Variants in NSA2 observed in about 807,000 individuals in gnomAD.
NSA2 encodes ribosome biogenesis protein NSA2 homolog.
In NSA2, 18 loss-of-function variants were observed where a neutral mutation model predicts 34.8. The ratio of observed to expected loss-of-function variants is 0.52; its 90% CI spans 0.36 to 0.77. The LOEUF (loss-of-function observed/expected upper bound fraction) is 0.77, where lower values mean the gene tolerates loss of function less well. NSA2 is among the 30% of genes least tolerant of loss of function. The pLI is 0.00. For synonymous variants in NSA2, 79 were observed against 100.2 expected (o/e 0.79, Z 1.26); for missense variants, 188 against 314.7 (o/e 0.60, Z 3.05).
rs371638539 is a variant in NSA2, at chr5:74,772,057, C to CA, written c.522+1254dup. ...ATTCTCCCAGTTAGATACACAGCCT[C>CA]AAAAAAACAAAGTATCAGAGAGAGG... On this transcript the variant is annotated intron_variant, in intron 4 of 5. Transcript: ENST00000610426. Among the ~76,000 whole-genome samples the CA allele has an allele frequency of 5.0e-3, 750 of 150,614 alleles. 9 individuals carry two copies. The highest frequency in any genetic ancestry group is 0.018 in the African/African-American group (718 of 40,970).
At position 74,779,654 on chromosome 5, in the gene NSA2, G is replaced by GA. The variant is rs2112441665; in HGVS notation, c.*2989dup. On this transcript the variant is annotated 3_prime_UTR_variant, in exon 6 of 6. Transcript: ENST00000610426. ...TTTTTACTTAGTATTAGCATTTGTT[G>GA]AAAAAATAAATGGCCAAAGTGCTTT... The GA allele has an allele frequency of 6.6e-6, 1 of 150,826 alleles. No homozygotes were observed. The highest frequency in any genetic ancestry group is 2.4e-5 in the African/African-American group (1 of 41,132). The allele number at this position is 150,826 out of a possible 1,614,324, so 9.3% of individuals were successfully genotyped here.
At chr5:74,774,679 T>C (rs992223230) in intron 5 of NSA2, among the ~76,000 whole-genome samples, 1 of 152,138 alleles carries the variant, frequency 6.6e-6, no homozygotes, top group Admixed American at 6.5e-5. Context: ...TAAGAAATAT[T>C]ATAAGAAAAT....
intron 5 of NSA2, among the ~76,000 whole-genome samples, chr5:74,775,221 G>GTAA (rs1489400938): frequency 6.6e-6 from 1 of 151,590 alleles, no homozygotes; most frequent in South Asian, 2.1e-4. Context: ...GTCTCAAAAA[G>GTAA]TAATAATAAT....
chr5:74,773,966 G>T lies in NSA2; in HGVS notation c.621G>T (p.Leu207=). 1 of 1,614,010 alleles carries T rather than the reference G, an allele frequency of 6.2e-7. No individual in the cohort carries two copies. Among genetic ancestry groups the T allele is most frequent in the Non-Finnish European group, 8.5e-7 (1 of 1,179,918 alleles). The change falls in exon 5 of 6, where the codon CTG becomes CTT. Residue 207 remains leucine (L), a synonymous_variant. Transcript: ENST00000610426. ...LGVKKNPSSP[L]YTTLGVITKG... ...TAAAGAAGAATCCCTCATCCCCACT[G>T]TATACAACTTTGGGTGTTATTACCA...
At chr5:74,774,133 T>A in intron 5 of NSA2, 73 bp downstream of exon 5, 1 of 1,020,058 alleles carries the variant, frequency 9.8e-7, no homozygotes, top group Non-Finnish European at 1.4e-6. Flanking sequence ...GTTGATGTAT[T>A]AATAAAATAT....
Position 74,776,985 on chromosome 5 carries a change from A to G in NSA2, c.*314A>G, listed in dbSNP as rs1412041127. 1 of 205,608 alleles carries G rather than the reference A, an allele frequency of 4.9e-6. No individual in the cohort carries two copies. The allele number at this position is 205,608 out of a possible 1,614,324, so 12.7% of individuals were successfully genotyped here. On this transcript the variant is annotated 3_prime_UTR_variant, in exon 6 of 6. Transcript: ENST00000610426. ...CAGTGTTCATTGAAAATGCCTTTCA[A>G]AAAGGTTAATACACAATTATGTGTC...
At chr5:74,776,538 C>G (rs1745131136) in intron 5 of NSA2, 66 bp from the exon 6 acceptor site, 2 of 845,762 alleles carry the variant, frequency 2.4e-6, no homozygotes, top group East Asian at 2.4e-5. Context: ...AAGTTATATT[C>G]TTTAAAATTA....
intron 5 of NSA2, 90 bp from the exon 6 acceptor site, chr5:74,776,514 G>GA (rs58655773): frequency 0.25 from 179,729 of 729,844 alleles, 25,272 homozygotes; most frequent in African/African-American, 0.56. Flanking sequence ...AAGACAAAAA[G>GA]AAAAAAAAGG....
chr5:74,769,489 T>G (rs529758420), intron 3 of NSA2, 125 bp downstream of exon 3: 1 of 698,382 alleles, frequency 1.4e-6, no homozygotes, highest in Non-Finnish European at 2.1e-6. Flanking sequence ...TATTTAGATG[T>G]TGAAGTCTTT....
In NSA2 at chr5:74,779,940, T is replaced by G. The variant is rs962979236; in HGVS notation, c.*3269T>G. 6.6e-6 allele frequency: 1 copy of G among 152,226 alleles called. No homozygotes were observed. Among genetic ancestry groups the G allele is most frequent in the Non-Finnish European group, 1.5e-5 (1 of 68,024 alleles). The allele number at this position is 152,226 out of a possible 1,614,324, so 9.4% of individuals were successfully genotyped here. On this transcript the variant is annotated 3_prime_UTR_variant, in exon 6 of 6. Coordinates refer to ENST00000610426, the MANE Select transcript of NSA2 (RefSeq NM_014886.6). ...ACACAAAGTCTTAGTTTCTTTTGCA[T>G]AAGGATCAAGATCAAGCTATTTTTA...
At chr5:74,770,847 G>GT (rs1332849835) in intron 4 of NSA2, 37 bp downstream of exon 4, 2 of 1,393,824 alleles carry the variant, frequency 1.4e-6, no homozygotes, top group African/African-American at 2.9e-5. Context: ...CGAAATGTTA[G>GT]TTGACTTTAT....
In NSA2 at chr5:74,774,077, A is replaced by T. The variant is rs577031670; in HGVS notation, c.715+17A>T. ...TTATTTGGGGTAAGTGAATTTTTGA[A>T]TACAGGGCTGCTGTGTTCTGCAGTA... On this transcript the variant is annotated intron_variant, in intron 5 of 5. Transcript: ENST00000610426. 6.3e-7 allele frequency: 1 copy of T among 1,580,504 alleles called. No homozygotes were observed. The highest frequency in any genetic ancestry group is 2.2e-5 in the East Asian group (1 of 44,698).
intron 1 of NSA2, among the ~76,000 whole-genome samples, chr5:74,768,498 G>T (rs909210576): frequency 1.3e-5 from 2 of 152,332 alleles, no homozygotes; most frequent in South Asian, 4.1e-4. Context: ...TTTGTATTTT[G>T]ATTGTGGTGG....
rs773310266 is a variant in NSA2, at chr5:74,768,911, T to C, written c.4-20T>C. On this transcript the variant is annotated intron_variant, in intron 1 of 5. Transcript: ENST00000610426. ...TCAGTACTTTAAAAAATTAAAATAA[T>C]ATTTCTTCCATCATTATAGCCACAG... 9.3e-6 allele frequency: 14 copies of C among 1,509,766 alleles called. No individual in the cohort carries two copies. Among genetic ancestry groups the C allele is most frequent in the Middle Eastern group, 1.8e-4 (1 of 5,698 alleles). 93.5% of individuals were successfully genotyped at this position (1,509,766 alleles called of 1,614,324 possible).
chr5:74,767,461 C>A, intron 1 of NSA2, 98 bp downstream of exon 1: 3 of 1,450,834 alleles, frequency 2.1e-6, no homozygotes, highest in South Asian at 2.3e-5. Flanking sequence ...CGGTGGTAGG[C>A]GGAAATGAGA....
In NSA2 at chr5:74,779,087, G is replaced by A. The variant is rs561136634; in HGVS notation, c.*2416G>A. On this transcript the variant is annotated 3_prime_UTR_variant, in exon 6 of 6. Transcript: ENST00000610426. ...TTTCTGTCAGAGAGAATCTGTAACAGAAGTGTTCTTGTGTGCTGAACAAAA... is the reference window on the plus strand; with the variant it reads ...TTTCTGTCAGAGAGAATCTGTAACAAAAGTGTTCTTGTGTGCTGAACAAAA... The A allele has an allele frequency of 8.7e-4, 133 of 152,206 alleles. No homozygotes were observed. Among genetic ancestry groups the A allele is most frequent in the African/African-American group, 2.7e-3 (113 of 41,570 alleles). 9.4% of individuals were successfully genotyped at this position (152,206 alleles called of 1,614,324 possible).
chr5:74,772,185 C>T (rs1039758999), intron 4 of NSA2, among the ~76,000 whole-genome samples: 1 of 148,312 alleles, frequency 6.7e-6, no homozygotes, highest in Non-Finnish European at 1.5e-5. Flanking sequence ...AGTGCAGTGG[C>T]ACGATCTCGG....
In NSA2 at chr5:74,778,082, G is replaced by T. The variant is rs901979861; in HGVS notation, c.*1411G>T. Reference sequence around the variant, plus strand: ...AGGCGAATAAAAATACTGACTCCAGGTAATTTCTGGATACTACAAAAATGA... The same window carrying T: ...AGGCGAATAAAAATACTGACTCCAGTTAATTTCTGGATACTACAAAAATGA... On this transcript the variant is annotated 3_prime_UTR_variant, in exon 6 of 6. Coordinates refer to ENST00000610426, the MANE Select transcript of NSA2 (RefSeq NM_014886.6). The T allele has an allele frequency of 1.3e-4, 19 of 151,954 alleles. No homozygotes were observed. The highest frequency in any genetic ancestry group is 1.3e-4 in the Non-Finnish European group (9 of 67,890). 9.4% of individuals were successfully genotyped at this position (151,954 alleles called of 1,614,324 possible).
intron 5 of NSA2, 105 bp from the exon 6 acceptor site, chr5:74,776,497 CTG>C (rs1160494083): frequency 1.2e-5 from 8 of 660,644 alleles, no homozygotes; most frequent in Non-Finnish European, 2.2e-5. Context: ...GAGTGAAACC[CTG>C]TATTAAGACA....
Sources: allele counts gnomAD v4.1 joint callset (sites outside exome capture counted in the v4.1 genomes callset), GRCh38; gene constraint gnomAD v4.1.1; transcripts MANE v1.5; gene names NCBI Gene and HGNC (gene_info 2026-07-23, HGNC 2026-07-21).